The following AVEN variants were observed in gnomAD, a reference collection of about 807,000 sequenced individuals.
The protein encoded by AVEN is cell death regulator Aven.
In AVEN, 41 loss-of-function variants were observed where a neutral mutation model predicts 38.1. The observed-to-expected ratio is 1.08, with a 90% CI of 0.84 to 1.40. AVEN has a LOEUF of 1.40. Ranked by LOEUF, AVEN falls within the 40% of genes most tolerant of loss-of-function variation. The probability of loss-of-function intolerance (pLI) is 0.00; values close to 1 mark genes in which losing one functional copy is unlikely to be tolerated. For synonymous variants in AVEN, 206 were observed against 171.8 expected, an observed-to-expected ratio of 1.20 and a Z score of -1.56; for missense variants, 605 against 438.8, an observed-to-expected ratio of 1.38 and a Z score of -3.38.
intron 1 of AVEN, among the ~76,000 whole-genome samples, chr15:34,035,831 A>G (rs116060019): frequency 0.02 from 3,064 of 152,150 alleles, 111 homozygotes; most frequent in African/African-American, 0.065. Context: ...GTCTCACTCT[A>G]TTGCCCAGGC....
intron 2 of AVEN, among the ~76,000 whole-genome samples, chr15:33,971,779 C>G (rs1167832257): frequency 6.6e-6 from 1 of 151,918 alleles, no homozygotes; most frequent in African/African-American, 2.4e-5. Context: ...TTTCAACTAG[C>G]CAATATATTT....
At chr15:33,987,312 A>G (rs1896520639) in intron 2 of AVEN, among the ~76,000 whole-genome samples, 1 of 152,202 alleles carries the variant, frequency 6.6e-6, no homozygotes, top group South Asian at 2.1e-4. Context: ...CATTTGATAA[A>G]CTAAGATCAA....
chr15:33,960,761 A>T (rs1895131257), intron 2 of AVEN, among the ~76,000 whole-genome samples: 1 of 152,162 alleles, frequency 6.6e-6, no homozygotes, highest in Non-Finnish European at 1.5e-5. Context: ...TAACATAAAG[A>T]TAACATTATT....
At chr15:34,042,397 T>G (rs1395896498), upstream of AVEN, among the ~76,000 whole-genome samples, 1 of 122,472 alleles carries the variant, frequency 8.2e-6, no homozygotes, top group African/African-American at 4.0e-5. Flanking sequence ...ATGACCTAAG[T>G]TTTTTTTTTT....
chr15:33,857,753 T>C, downstream of AVEN: 1 of 1,613,492 alleles, frequency 6.2e-7, no homozygotes, highest in Non-Finnish European at 8.5e-7. Flanking sequence ...CCCACTCCTT[T>C]TCCTTTCTCT....
intron 2 of AVEN, among the ~76,000 whole-genome samples, chr15:33,952,439 G>T (rs2140452608): frequency 6.6e-6 from 1 of 152,260 alleles, no homozygotes; most frequent in Middle Eastern, 3.4e-3. Context: ...TGCAGGAAAT[G>T]AGAAATTAAG....
chr15:33,866,813 C>T (rs755292006), intron 5 of AVEN, 85 bp from the exon 6 acceptor site: 1 of 932,034 alleles, frequency 1.1e-6, no homozygotes, highest in Non-Finnish European at 1.7e-6. Flanking sequence ...ACTTTCCTTA[C>T]AACAAGGGGA....
At chr15:34,008,960 A>G (rs1298767387) in intron 1 of AVEN, among the ~76,000 whole-genome samples, 5 of 149,610 alleles carry the variant, frequency 3.3e-5, no homozygotes, top group Admixed American at 3.3e-4. Context: ...GCGCGCACAC[A>G]CACACACACA....
intron 2 of AVEN, among the ~76,000 whole-genome samples, chr15:33,983,177 TACACAC>T (rs1896248323): frequency 5.5e-4 from 67 of 122,360 alleles, no homozygotes; most frequent in Middle Eastern, 4.2e-3. Flanking sequence ...TGTGTATATA[TACACAC>T]GTGTGTGTAT....
chr15:33,987,283 G>T (rs1433206725), intron 2 of AVEN, among the ~76,000 whole-genome samples: 1 of 152,108 alleles, frequency 6.6e-6, no homozygotes, highest in Non-Finnish European at 1.5e-5. Flanking sequence ...GTTGGAAAAG[G>T]TACATTTGAA....
intron 5 of AVEN, among the ~76,000 whole-genome samples, chr15:34,054,417 T>C (rs1900052199): frequency 6.6e-6 from 1 of 152,094 alleles, no homozygotes; most frequent in South Asian, 2.1e-4. Flanking sequence ...AGCAAAGACA[T>C]AGAATCAATC....
chr15:33,869,163 T>C (rs1282926771), intron 4 of AVEN, among the ~76,000 whole-genome samples: 3 of 152,362 alleles, frequency 2.0e-5, no homozygotes, highest in Non-Finnish European at 2.9e-5. Flanking sequence ...CATGGTCCTC[T>C]ATTCTAATCT....
intron 2 of AVEN, among the ~76,000 whole-genome samples, chr15:33,904,758 C>T (rs1481547384): frequency 6.6e-6 from 1 of 150,566 alleles, no homozygotes; most frequent in Non-Finnish European, 1.5e-5. Context: ...CACATGCACA[C>T]ACATATATAT....
chr15:34,071,208 C>A (rs913596814), intron 1 of AVEN, among the ~76,000 whole-genome samples: 2 of 152,122 alleles, frequency 1.3e-5, no homozygotes, highest in African/African-American at 2.4e-5. Flanking sequence ...GGAATGGGCA[C>A]CCTTACCTTC....
At chr15:33,969,445 C>G (rs1895532684) in intron 2 of AVEN, among the ~76,000 whole-genome samples, 1 of 151,144 alleles carries the variant, frequency 6.6e-6, no homozygotes, top group Admixed American at 6.6e-5. Flanking sequence ...ATGAAGAGAG[C>G]CCTGAATGGT....
At chr15:33,928,976 G>C (rs1453745054) in intron 2 of AVEN, among the ~76,000 whole-genome samples, 1 of 152,152 alleles carries the variant, frequency 6.6e-6, no homozygotes, top group Non-Finnish European at 1.5e-5. Context: ...CCTCCAGCAA[G>C]GTAGTACCCA....
intron 2 of AVEN, among the ~76,000 whole-genome samples, chr15:34,000,720 GAAGA>G (rs1039485499): frequency 6.6e-6 from 1 of 152,160 alleles, no homozygotes; most frequent in African/African-American, 2.4e-5. Context: ...CACTGAGTAT[GAAGA>G]AAGCATGGAA....
At chr15:33,951,032 A>G (rs1894720618) in intron 2 of AVEN, among the ~76,000 whole-genome samples, 1 of 150,120 alleles carries the variant, frequency 6.7e-6, no homozygotes, top group Non-Finnish European at 1.5e-5. Flanking sequence ...AGAAGGAAGG[A>G]AAGGAAGGGA....
chr15:33,991,884 A>G (rs1162971416), intron 2 of AVEN: 1 of 153,574 alleles, frequency 6.5e-6, no homozygotes, highest in Non-Finnish European at 1.5e-5. Context: ...TTTAAAGGAA[A>G]AAGAAAGGGA....
Sources: gnomAD v4.1 joint callset for allele counts (sites outside exome capture counted in the v4.1 genomes callset) on GRCh38, gnomAD v4.1.1 for gene constraint, MANE v1.5 for transcripts, NCBI Gene and HGNC (gene_info 2026-07-23, HGNC 2026-07-21) for gene names.